NCKAP5: variants seen among roughly 807,000 people sequenced by gnomAD.
NCKAP5 encodes the protein NCK associated protein 5.
In NCKAP5, 92 loss-of-function variants were observed where a neutral mutation model predicts 167.0. The ratio of observed to expected loss-of-function variants is 0.55; its 90% CI spans 0.47 to 0.66. NCKAP5 has a LOEUF of 0.66. Among genes scored for constraint, NCKAP5 ranks in the 30% least tolerant of loss-of-function variants. The pLI is 0.00. For missense variants in NCKAP5, 2,378 were observed against 2,315.0 expected (o/e 1.03, Z -0.56); for synonymous variants, 891 against 877.4 (o/e 1.02, Z -0.27).
At chr2:133,465,875 A>C (rs1209707423) in intron 3 of NCKAP5, among the ~76,000 whole-genome samples, 1 of 144,516 alleles carries the variant, frequency 6.9e-6, no homozygotes. Flanking sequence ...TTTCTTGTAA[A>C]TTTGTTTGAG....
chr2:133,612,432 C>T, the NCKAP5 span, among the ~76,000 whole-genome samples: 15 of 152,156 alleles, frequency 9.9e-5, no homozygotes. Flanking sequence ...CTCAAATACA[C>T]AAGCATTGTG....
At chr2:133,522,014 C>T (rs1189628451) in intron 2 of NCKAP5, among the ~76,000 whole-genome samples, 3 of 152,138 alleles carry the variant, frequency 2.0e-5, no homozygotes, top group Non-Finnish European at 4.4e-5. Context: ...CCTTGCCCTG[C>T]TGTACTCTTC....
At chr2:133,496,402 C>T (rs7559239) in intron 3 of NCKAP5, among the ~76,000 whole-genome samples, 75,785 of 151,926 alleles carry the variant, frequency 0.5, 19,908 homozygotes, top group African/African-American at 0.68. Context: ...CATCTCCCTT[C>T]CCTTGGCCAT....
intron 3 of NCKAP5, among the ~76,000 whole-genome samples, chr2:133,471,794 C>G (rs1679352397): frequency 1.3e-5 from 2 of 152,180 alleles, no homozygotes; most frequent in Admixed American, 6.5e-5. Flanking sequence ...TCTACTGTCT[C>G]TCACCTCATC....
At chr2:133,103,721 G>A (rs1051211521) in intron 6 of NCKAP5, among the ~76,000 whole-genome samples, 3 of 152,102 alleles carry the variant, frequency 2.0e-5, no homozygotes, top group East Asian at 1.9e-4. Context: ...TCGAGGCTGC[G>A]GTGAACTATG....
chr2:133,143,165 ACT>A (rs1163559406), intron 5 of NCKAP5, among the ~76,000 whole-genome samples: 11 of 152,038 alleles, frequency 7.2e-5, no homozygotes, highest in Middle Eastern at 6.8e-3. Context: ...ATAGGCTAAG[ACT>A]CTATTTATGA....
At chr2:133,038,000 C>G (rs529990069) in intron 6 of NCKAP5, among the ~76,000 whole-genome samples, 1 of 152,092 alleles carries the variant, frequency 6.6e-6, no homozygotes, top group African/African-American at 2.4e-5. Flanking sequence ...AAAAGAGAAC[C>G]CTTGTAAACT....
At chr2:133,571,567 A>AT (rs1688869299), upstream of NCKAP5, among the ~76,000 whole-genome samples, 2 of 152,260 alleles carry the variant, frequency 1.3e-5, no homozygotes, top group South Asian at 4.2e-4. Flanking sequence ...ATATATGGCT[A>AT]TTTACCTGAT....
chr2:133,252,009 A>G (rs1411133933), intron 4 of NCKAP5, among the ~76,000 whole-genome samples: 1 of 152,226 alleles, frequency 6.6e-6, no homozygotes, highest in East Asian at 1.9e-4. Context: ...TTTAATTTTT[A>G]TTTTAATTTC....
chr2:132,717,732 C>T (rs1467904960), intron 19 of NCKAP5, among the ~76,000 whole-genome samples: 1 of 152,176 alleles, frequency 6.6e-6, no homozygotes, highest in East Asian at 1.9e-4. Flanking sequence ...ACTTCCCTGG[C>T]TCTTTGTAAT....
intron 3 of NCKAP5, among the ~76,000 whole-genome samples, chr2:133,363,001 T>C (rs932889131): frequency 2.0e-5 from 3 of 151,692 alleles, no homozygotes; most frequent in Non-Finnish European, 4.4e-5. Context: ...CTCCTGACCC[T>C]GTGATCCGCC....
chr2:132,720,538 G>T (rs144188577), intron 19 of NCKAP5, among the ~76,000 whole-genome samples: 1 of 152,328 alleles, frequency 6.6e-6, no homozygotes, highest in Non-Finnish European at 1.5e-5. Flanking sequence ...ACTCTGTTTT[G>T]AAGGGTGGGT....
chr2:133,122,374 T>C (rs2082277799), intron 6 of NCKAP5: 1 of 152,204 alleles, frequency 6.6e-6, no homozygotes, highest in Non-Finnish European at 1.5e-5. Context: ...TAATATGTTA[T>C]TAAAACATAT....
In NCKAP5 at chr2:133,203,279, C is replaced by T. The variant is rs145410303; in HGVS notation, c.207+10437G>A. Reference sequence around the variant, plus strand: ...GCTGGAAACCATCATTCTGAGCAAACCATCGCAACGACAGAAAACCAAACA... The same window carrying T: ...GCTGGAAACCATCATTCTGAGCAAATCATCGCAACGACAGAAAACCAAACA... On this transcript the variant is annotated intron_variant, in intron 5 of 19. Coordinates refer to ENST00000409261, the MANE Select transcript of NCKAP5 (RefSeq NM_207363.3). Among the ~76,000 whole-genome samples the T allele has an allele frequency of 1.2e-3, 189 of 152,172 alleles. 4 individuals carry two copies. The East Asian group carries it at 0.021, about 17-fold the overall frequency.
chr2:133,440,811 A>G (rs1161164168), intron 3 of NCKAP5, among the ~76,000 whole-genome samples: 1 of 151,680 alleles, frequency 6.6e-6, no homozygotes. Flanking sequence ...GACTGCCTAC[A>G]TTTAAACCCC....
chr2:133,589,220 G>A, the NCKAP5 span, among the ~76,000 whole-genome samples: 2 of 152,226 alleles, frequency 1.3e-5, no homozygotes, highest in Non-Finnish European at 2.9e-5. Context: ...ACAAGTAGCA[G>A]TGGAGGTGTC....
intron 8 of NCKAP5, among the ~76,000 whole-genome samples, chr2:132,886,133 T>C (rs1296164803): frequency 6.6e-5 from 10 of 151,490 alleles, no homozygotes; most frequent in Non-Finnish European, 2.9e-5. Flanking sequence ...GGCTCAGATG[T>C]GGACTTGAAA....
intron 6 of NCKAP5, among the ~76,000 whole-genome samples, chr2:133,108,277 C>T (rs2081785122): frequency 6.6e-6 from 1 of 152,166 alleles, no homozygotes; most frequent in Non-Finnish European, 1.5e-5. Flanking sequence ...CGGATAAGCA[C>T]TGAATAAGAG....
At chr2:132,684,026 C>T (rs1685614332) in intron 19 of NCKAP5, among the ~76,000 whole-genome samples, 1 of 152,226 alleles carries the variant, frequency 6.6e-6, no homozygotes, top group African/African-American at 2.4e-5. Flanking sequence ...GAAATATATT[C>T]ATTCAGCAAC....
Sources: gnomAD v4.1 joint callset for allele counts (sites outside exome capture counted in the v4.1 genomes callset) on GRCh38, gnomAD v4.1.1 for gene constraint, MANE v1.5 for transcripts, NCBI Gene and HGNC (gene_info 2026-07-23, HGNC 2026-07-21) for gene names.